EXOC3: variants seen among roughly 807,000 people sequenced by gnomAD.
EXOC3 encodes the protein SEC6-like 1.
EXOC3 carries 21 observed loss-of-function variants against 73.7 expected under a neutral mutation model. The ratio of observed to expected loss-of-function variants is 0.29; its 90% CI spans 0.20 to 0.41. The LOEUF is 0.41. Ranked by LOEUF, EXOC3 falls within the 10% of genes least tolerant of loss-of-function variation. The pLI is 1.00. For synonymous variants in EXOC3, 410 were observed against 389.1 expected, an observed-to-expected ratio of 1.05 and a Z score of -0.63; for missense variants, 842 against 985.1, an observed-to-expected ratio of 0.85 and a Z score of 1.95.
At chr5:458,175 C>T in intron 6 of EXOC3, 150 bp downstream of exon 6, 3 of 779,108 alleles carry the variant, frequency 3.9e-6, no homozygotes, top group Non-Finnish European at 6.0e-6. Context: ...TAAGTCCTCT[C>T]CTCTCTCTGT....
chr5:446,160 A>AC lies in EXOC3; in HGVS notation c.-45dup, dbSNP rs1488331249. 11 of 1,612,584 alleles carry AC rather than the reference A, an allele frequency of 6.8e-6. No individual in the cohort carries two copies. The highest frequency in any genetic ancestry group is 1.3e-5 in the African/African-American group (1 of 74,874). On this transcript the variant is annotated 5_prime_UTR_variant, in exon 2 of 13. Transcript: ENST00000512944. ...TAACAACTCCTGCAGTGCACAGAGAACACCCCTAGCATGAACAGTGTGAGG... is the reference window on the plus strand; with the variant it reads ...TAACAACTCCTGCAGTGCACAGAGAACCACCCCTAGCATGAACAGTGTGAGG...
intron 5 of EXOC3, chr5:457,286 G>C: frequency 4.5e-6 from 2 of 439,996 alleles, no homozygotes; most frequent in Non-Finnish European, 8.4e-6. Flanking sequence ...CGTCTGAACC[G>C]TGTGTGGCAG....
At chr5:450,882 T>C (rs1737643387) in intron 3 of EXOC3, among the ~76,000 whole-genome samples, 1 of 152,166 alleles carries the variant, frequency 6.6e-6, no homozygotes, top group African/African-American at 2.4e-5. Context: ...AATATCTTTT[T>C]CCACCCTTTT....
At chr5:446,531 G>A (rs1737514103) in intron 2 of EXOC3, among the ~76,000 whole-genome samples, 182 bp downstream of exon 2, 1 of 152,154 alleles carries the variant, frequency 6.6e-6, no homozygotes, top group African/African-American at 2.4e-5. Flanking sequence ...GAAGACAGTG[G>A]GAATGGTGAA....
intron 6 of EXOC3, 109 bp from the exon 7 acceptor site, chr5:459,250 C>A: frequency 2.3e-5 from 8 of 344,048 alleles, no homozygotes; most frequent in East Asian, 4.5e-5. Flanking sequence ...TGAATTTGGA[C>A]TATCCTAAAT....
chr5:466,045 A>G (rs1738138635), intron 12 of EXOC3, 200 bp downstream of exon 12: 2 of 392,004 alleles, frequency 5.1e-6, no homozygotes, highest in African/African-American at 2.2e-5. Flanking sequence ...CCTGGGCTAC[A>G]GTGTGGGTGG....
Position 453,507 on chromosome 5 carries a change from C to A in EXOC3, c.502C>A (p.Arg168Ser). 6.2e-7 allele frequency: 1 copy of A among 1,613,976 alleles called. No individual in the cohort carries two copies. The highest frequency in any genetic ancestry group is 1.1e-5 in the South Asian group (1 of 91,090). ...EQYRMDSGNT[R>S]DMTLIHGYFG... is the part of the protein sequence containing the mutation. ...GTACCGCATGGACAGTGGGAACACG[C>A]GTGACATGACCCTCATCCATGGCTA... The change falls in exon 4 of 13, where the codon CGT (arginine) becomes AGT (serine). Residue 168 changes from arginine to serine, a missense_variant. Transcript: ENST00000512944.
rs781596781 is a variant in EXOC3 at position 443,204 on chromosome 5, GCA to G, written c.-142_-141del. 0.024 allele frequency: 3,844 copies of G among 162,838 alleles called. 108 individuals are homozygous for G. The highest frequency in any genetic ancestry group is 0.029 in the Non-Finnish European group (2,198 of 75,662). The allele number at this position is 162,838 out of a possible 1,614,324, so 10.1% of individuals were successfully genotyped here. On this transcript the variant is annotated 5_prime_UTR_variant, in exon 1 of 13. Transcript: ENST00000512944. ...TCCGGCCGGGACCCCGGAGGCGGAG[GCA>G]GCGAAGGCGGAGGGGGCGGCGGGGG...
intron 3 of EXOC3, among the ~76,000 whole-genome samples, chr5:449,619 T>C (rs989707925): frequency 6.6e-6 from 1 of 152,250 alleles, no homozygotes; most frequent in African/African-American, 2.4e-5. Flanking sequence ...TGTGGTATTG[T>C]AGAATTTCCT....
At position 452,694 on chromosome 5, in the gene EXOC3, T is replaced by C. The variant is rs141298663; in HGVS notation, c.365-676T>C. Among the ~76,000 whole-genome samples, 315 of 152,390 alleles carry C rather than the reference T, an allele frequency of 2.1e-3. 1 individual carries two copies. Among genetic ancestry groups the C allele is most frequent in the Non-Finnish European group, 3.7e-3 (253 of 68,038 alleles). On this transcript the variant is annotated intron_variant, in intron 3 of 12. Transcript: ENST00000512944. Reference sequence around the variant, plus strand: ...TCTTGTTTTTGGTTGTTGTAGGCTCTCTGTGCCAAGGCACAGCCTGAGGTG... The same window carrying C: ...TCTTGTTTTTGGTTGTTGTAGGCTCCCTGTGCCAAGGCACAGCCTGAGGTG...
At chr5:446,024 C>G in intron 1 of EXOC3, 126 bp from the exon 2 acceptor site, 1 of 645,786 alleles carries the variant, frequency 1.5e-6, no homozygotes, top group Admixed American at 2.9e-5. Flanking sequence ...CATCCTAGTT[C>G]AGCTTTCTTT....
At chr5:459,966 G>C (rs866909688) in intron 7 of EXOC3, among the ~76,000 whole-genome samples, 3 of 152,234 alleles carry the variant, frequency 2.0e-5, no homozygotes, top group African/African-American at 7.2e-5. Flanking sequence ...GTGCAGTCCA[G>C]AAGCCATCCC....
At chr5:466,396 C>A in intron 12 of EXOC3, 1 of 306,674 alleles carries the variant, frequency 3.3e-6, no homozygotes, top group Admixed American at 4.6e-5. Flanking sequence ...ACCTCCATGG[C>A]TGCAGCCGCG....
At chr5:448,087 G>A (rs72717435) in intron 3 of EXOC3, among the ~76,000 whole-genome samples, 40,312 of 152,102 alleles carry the variant, frequency 0.27, 6,978 homozygotes, top group Non-Finnish European at 0.39. Flanking sequence ...TGAAGACGCC[G>A]TGGCCCATGC....
At chr5:454,142 G>T (rs947052690) in intron 4 of EXOC3, 91 bp downstream of exon 4, 30 of 1,109,796 alleles carry the variant, frequency 2.7e-5, no homozygotes, top group Non-Finnish European at 3.8e-5. Context: ...CGACCTCAGG[G>T]TGTTGCTCTG....
At chr5:464,252 T>G in intron 9 of EXOC3, 38 bp from the exon 10 acceptor site, 2 of 1,602,514 alleles carry the variant, frequency 1.2e-6, no homozygotes, top group Admixed American at 1.7e-5. Context: ...CGTGGGACGT[T>G]GAGGTGATGA....
intron 7 of EXOC3, among the ~76,000 whole-genome samples, chr5:460,262 C>A (rs1737946242): frequency 6.6e-6 from 1 of 152,180 alleles, no homozygotes; most frequent in African/African-American, 2.4e-5. Context: ...AGCCGAATAG[C>A]CCCTTCCCTC....
chr5:445,372 C>T (rs183148500), intron 1 of EXOC3, among the ~76,000 whole-genome samples: 3,599 of 130,200 alleles, frequency 0.028, 91 homozygotes, highest in Admixed American at 0.066. Context: ...TTTTTTGAGA[C>T]GGAGTCTCGC....
At chr5:445,693 G>T (rs1272654502) in intron 1 of EXOC3, among the ~76,000 whole-genome samples, 2 of 152,208 alleles carry the variant, frequency 1.3e-5, no homozygotes, top group Non-Finnish European at 2.9e-5. Flanking sequence ...TGTGGGGCTT[G>T]TGCTGGGCCT....
Sources: allele counts gnomAD v4.1 joint callset (sites outside exome capture counted in the v4.1 genomes callset), GRCh38; gene constraint gnomAD v4.1.1; transcripts MANE v1.5; gene names NCBI Gene and HGNC (gene_info 2026-07-23, HGNC 2026-07-21).